The following BCKDHB variants were observed in gnomAD, a reference collection of about 807,000 sequenced individuals.
The protein encoded by BCKDHB is 2-oxoisovalerate dehydrogenase subunit beta, mitochondrial.
Under a neutral mutation model 48.5 loss-of-function variants are expected in BCKDHB, and 41 were observed. That is an observed-to-expected ratio of 0.85 (90% CI 0.66 to 1.10). The LOEUF is 1.10. BCKDHB is among the 50% of genes least tolerant of loss of function. BCKDHB has a pLI of 0.00. For missense variants in BCKDHB, 496 were observed against 494.2 expected, an observed-to-expected ratio of 1.00 and a Z score of -0.03; for synonymous variants, 201 against 174.8, an observed-to-expected ratio of 1.15 and a Z score of -1.18.
At chr6:80,312,799 A>C (rs1768234824) in intron 9 of BCKDHB, among the ~76,000 whole-genome samples, 1 of 152,188 alleles carries the variant, frequency 6.6e-6, no homozygotes, top group African/African-American at 2.4e-5. Context: ...TATGATCGAT[A>C]AGCTTTGTGA....
intron 3 of BCKDHB, among the ~76,000 whole-genome samples, chr6:80,142,753 A>G (rs1032173978): frequency 6.6e-6 from 1 of 152,098 alleles, no homozygotes; most frequent in Non-Finnish European, 1.5e-5. Flanking sequence ...ATCTTTTGTC[A>G]GAGTCATTTT....
the BCKDHB span, among the ~76,000 whole-genome samples, chr6:80,409,364 G>C: frequency 6.6e-6 from 1 of 150,900 alleles, no homozygotes; most frequent in Admixed American, 6.6e-5. Flanking sequence ...TGTTGATTTG[G>C]GATGGAGAGT....
intron 8 of BCKDHB, among the ~76,000 whole-genome samples, chr6:80,254,438 G>A (rs992579891): frequency 1.3e-5 from 2 of 152,052 alleles, no homozygotes; most frequent in Admixed American, 6.6e-5. Context: ...GCTCATGCCT[G>A]TAATCCTAGC....
chr6:80,343,449 T>C (rs1478212730), intron 9 of BCKDHB: 7 of 590,122 alleles, frequency 1.2e-5, no homozygotes, highest in Admixed American at 2.9e-5. Context: ...TATATACAGG[T>C]ATAAAATGCA....
intron 1 of BCKDHB, 74 bp downstream of exon 1, chr6:80,106,963 G>A: frequency 6.5e-7 from 1 of 1,527,258 alleles, no homozygotes; most frequent in Non-Finnish European, 8.9e-7. Flanking sequence ...GCGAGGGGCA[G>A]GGGCCGGCAG....
chr6:80,230,108 G>A (rs1453809187), intron 8 of BCKDHB, among the ~76,000 whole-genome samples: 2 of 124,276 alleles, frequency 1.6e-5, no homozygotes, highest in African/African-American at 6.2e-5. Flanking sequence ...GCGCTATCCC[G>A]GCTCACTGCA....
chr6:80,446,720 A>ATT, the BCKDHB span, among the ~76,000 whole-genome samples: 19,954 of 110,842 alleles, frequency 0.18, 1,915 homozygotes, highest in East Asian at 0.41. Context: ...CTTCTGGACA[A>ATT]TTTTTTTTTT....
At chr6:80,171,805 A>G (rs1032190068) in intron 6 of BCKDHB, among the ~76,000 whole-genome samples, 1 of 152,226 alleles carries the variant, frequency 6.6e-6, no homozygotes, top group African/African-American at 2.4e-5. Flanking sequence ...GCTGTTAACA[A>G]TTATGCTGTG....
intron 3 of BCKDHB, among the ~76,000 whole-genome samples, chr6:80,133,283 T>C (rs1770722441): frequency 1.3e-5 from 2 of 152,172 alleles, no homozygotes; most frequent in South Asian, 2.1e-4. Flanking sequence ...CTACTTGATA[T>C]GACAAAGAAG....
At chr6:80,433,718 A>G in the BCKDHB span, among the ~76,000 whole-genome samples, 1 of 152,172 alleles carries the variant, frequency 6.6e-6, no homozygotes, top group Non-Finnish European at 1.5e-5. Flanking sequence ...ATGGAAAAAA[A>G]AAAGAACTCC....
chr6:80,153,343 C>T (rs1338436014), intron 3 of BCKDHB, among the ~76,000 whole-genome samples: 3 of 152,084 alleles, frequency 2.0e-5, no homozygotes, highest in Non-Finnish European at 2.9e-5. Flanking sequence ...ACTTCCTTCC[C>T]CACCCCACCC....
In BCKDHB at chr6:80,133,011, T is replaced by C. The variant is rs530638987; in HGVS notation, c.343+3782T>C. On this transcript the variant is annotated intron_variant, in intron 3 of 9. Coordinates refer to ENST00000320393, the MANE Select transcript of BCKDHB (RefSeq NM_183050.4). ...AAATAACTAAAAGATTATGTTGATA[T>C]AGTTCAATATAACAATCAAGTCACA... Among the ~76,000 whole-genome samples, 4 of 152,330 alleles carry C rather than the reference T, an allele frequency of 2.6e-5. No homozygotes were observed. The East Asian group carries it at 7.7e-4, about 29-fold the overall frequency.
At chr6:80,131,549 C>T (rs1279512343) in intron 3 of BCKDHB, among the ~76,000 whole-genome samples, 3 of 152,072 alleles carry the variant, frequency 2.0e-5, no homozygotes, top group Non-Finnish European at 4.4e-5. Flanking sequence ...TAGCAGTCAC[C>T]ACTCCTTTAG....
At chr6:80,339,202 G>T (rs3828747) in intron 9 of BCKDHB, among the ~76,000 whole-genome samples, 132,729 of 151,734 alleles carry the variant, frequency 0.87, 58,097 homozygotes, top group Middle Eastern at 0.91. Flanking sequence ...TGTTTTTATG[G>T]ACACATAATA....
intron 3 of BCKDHB, among the ~76,000 whole-genome samples, chr6:80,156,782 CAGAA>C (rs1352080740): frequency 1.3e-5 from 2 of 152,004 alleles, no homozygotes. Flanking sequence ...AAAACAAAAA[CAGAA>C]AGAGATTAAA....
chr6:80,133,294 G>T lies in BCKDHB; in HGVS notation c.343+4065G>T, dbSNP rs538918937. Among the ~76,000 whole-genome samples, 5 of 152,280 alleles carry T rather than the reference G, an allele frequency of 3.3e-5. No individual in the cohort carries two copies. In the South Asian group the frequency reaches 8.3e-4, roughly 25 times the overall value. ...AATACTACTTGATATGACAAAGAAG[G>T]AATTGCATAATTAGAGGCAATGCTA... On this transcript the variant is annotated intron_variant, in intron 3 of 9. Transcript: ENST00000320393.
At chr6:80,377,160 T>G in the BCKDHB span, among the ~76,000 whole-genome samples, 1 of 151,824 alleles carries the variant, frequency 6.6e-6, no homozygotes, top group Non-Finnish European at 1.5e-5. Flanking sequence ...CCCACCTCAG[T>G]CTTTCAAGTA....
the BCKDHB span, among the ~76,000 whole-genome samples, chr6:80,357,030 C>T: frequency 4.8e-5 from 7 of 146,010 alleles, no homozygotes; most frequent in Non-Finnish European, 1.0e-4. Flanking sequence ...TACTAGTGCC[C>T]TTTTAAAGTT....
chr6:80,383,037 G>C, the BCKDHB span, among the ~76,000 whole-genome samples: 1 of 152,160 alleles, frequency 6.6e-6, no homozygotes, highest in Non-Finnish European at 1.5e-5. Flanking sequence ...CTGAAGACCA[G>C]CTTTGGCTCT....
Sources: allele counts gnomAD v4.1 joint callset (sites outside exome capture counted in the v4.1 genomes callset), GRCh38; gene constraint gnomAD v4.1.1; transcripts MANE v1.5; gene names NCBI Gene and HGNC (gene_info 2026-07-23, HGNC 2026-07-21).